TMEM156: variants seen among roughly 807,000 people sequenced by gnomAD.
The protein encoded by TMEM156 is transmembrane protein 156.
In TMEM156, 28 loss-of-function variants were observed where a neutral mutation model predicts 30.5. The ratio of observed to expected loss-of-function variants is 0.92; its 90% CI spans 0.68 to 1.26. The LOEUF is 1.26. Among genes scored for constraint, TMEM156 ranks in the 50% most tolerant of loss-of-function variants. The probability of loss-of-function intolerance (pLI) is 0.00; values close to 1 mark genes in which losing one functional copy is unlikely to be tolerated. For synonymous variants in TMEM156, 137 were observed against 119.9 expected (o/e 1.14, Z -0.93); for missense variants, 351 against 340.6 (o/e 1.03, Z -0.24).
intron 5 of TMEM156, among the ~76,000 whole-genome samples, chr4:38,978,949 G>C (rs1723037648): frequency 6.6e-6 from 1 of 152,130 alleles, no homozygotes; most frequent in Non-Finnish European, 1.5e-5. Flanking sequence ...ACCTGGACTG[G>C]CAAGGGAATG....
rs1722582576 is a variant in TMEM156, at chr4:38,971,224, A to G, written c.824-87T>C. 3 of 1,249,028 alleles carry G rather than the reference A, an allele frequency of 2.4e-6. No individual in the cohort carries two copies. The East Asian group carries it at 7.2e-5, about 30-fold the overall frequency. The allele number at this position is 1,249,028 out of a possible 1,614,324, so 77.4% of individuals were successfully genotyped here. On this transcript the variant is annotated intron_variant, in intron 5 of 6. Transcript: ENST00000381938. ...ATTCTAATGTAGTAAGAGTAGCAAG[A>G]GAAGCATGCTCTACCTCTAGAAAGG...
chr4:38,969,945 G>A (rs756183617), intron 6 of TMEM156, among the ~76,000 whole-genome samples: 10 of 152,194 alleles, frequency 6.6e-5, no homozygotes, highest in Non-Finnish European at 1.3e-4. Flanking sequence ...CTGAATGGAA[G>A]AGTAGTTCTA....
chr4:38,976,290 A>AG (rs1491091209), intron 5 of TMEM156, among the ~76,000 whole-genome samples: 16 of 19,572 alleles, frequency 8.2e-4, no homozygotes, highest in Non-Finnish European at 4.3e-4. Context: ...ACTCCGTCTC[A>AG]AAAAAAAAAA....
intron 3 of TMEM156, among the ~76,000 whole-genome samples, chr4:38,992,712 T>TG (rs1560366861): frequency 4.9e-5 from 2 of 41,086 alleles, no homozygotes; most frequent in Non-Finnish European, 1.1e-4. Context: ...TATATATATA[T>TG]TATATATATA....
At chr4:38,988,386 GCTAA>G (rs994984822) in intron 4 of TMEM156, among the ~76,000 whole-genome samples, 1 of 152,092 alleles carries the variant, frequency 6.6e-6, no homozygotes, top group African/African-American at 2.4e-5. Context: ...ACCATGCCTG[GCTAA>G]TTTTTGTATT....
intron 5 of TMEM156, among the ~76,000 whole-genome samples, chr4:38,975,616 C>T (rs1415605619): frequency 6.6e-6 from 1 of 151,834 alleles, no homozygotes; most frequent in Non-Finnish European, 1.5e-5. Context: ...CTTCTGATCT[C>T]GAGGCCTACC....
chr4:39,001,606 G>A (rs1184315379), intron 1 of TMEM156, among the ~76,000 whole-genome samples: 1 of 150,724 alleles, frequency 6.6e-6, no homozygotes, highest in South Asian at 2.1e-4. Flanking sequence ...CAAAGCTGGA[G>A]GCATCACACT....
At chr4:38,984,503 C>T (rs1425359868) in intron 5 of TMEM156, among the ~76,000 whole-genome samples, 2 of 151,944 alleles carry the variant, frequency 1.3e-5, no homozygotes, top group African/African-American at 2.4e-5. Context: ...CTTTGAACTA[C>T]ATTTTTTTTT....
chr4:39,019,299 T>C (rs115275963), intron 1 of TMEM156, among the ~76,000 whole-genome samples: 3,418 of 152,330 alleles, frequency 0.022, 86 homozygotes, highest in Non-Finnish European at 0.032. Flanking sequence ...TAGATCTCTA[T>C]TCCAGTTCAC....
intron 3 of TMEM156, among the ~76,000 whole-genome samples, chr4:38,990,978 C>T (rs1280972404): frequency 1.3e-5 from 2 of 150,244 alleles, no homozygotes; most frequent in South Asian, 2.1e-4. Context: ...GGTTTACAGG[C>T]GCATGACACC....
intron 1 of TMEM156, among the ~76,000 whole-genome samples, chr4:39,009,748 C>T (rs1342255520): frequency 6.6e-6 from 1 of 152,136 alleles, no homozygotes; most frequent in African/African-American, 2.4e-5. Context: ...GAACACACCT[C>T]AAAATAATAA....
chr4:39,011,506 T>C (rs1323220808), intron 1 of TMEM156, among the ~76,000 whole-genome samples: 1 of 152,204 alleles, frequency 6.6e-6, no homozygotes, highest in Non-Finnish European at 1.5e-5. Flanking sequence ...CCATCAGTGG[T>C]GGCTCATGCC....
intron 4 of TMEM156, among the ~76,000 whole-genome samples, 182 bp downstream of exon 4, chr4:38,988,669 A>G (rs1422361037): frequency 6.6e-6 from 1 of 152,152 alleles, no homozygotes; most frequent in Non-Finnish European, 1.5e-5. Context: ...CGAGTAGAAG[A>G]AAGATGAATG....
At chr4:38,986,807 C>CAAAAAAAAAAAAAAAAAAAAAAA (rs59087758) in intron 4 of TMEM156, among the ~76,000 whole-genome samples, 1 of 23,746 alleles carries the variant, frequency 4.2e-5, no homozygotes, top group Non-Finnish European at 8.2e-5. Flanking sequence ...GACTCCATCT[C>CAAAAAAAAAAAAAAAAAAAAAAA]AAAAAAAAAA....
chr4:38,987,145 G>C (rs1367514951), intron 4 of TMEM156, among the ~76,000 whole-genome samples: 5 of 152,004 alleles, frequency 3.3e-5, no homozygotes, highest in Non-Finnish European at 7.4e-5. Context: ...TTTCATATGG[G>C]AAAATGGGTC....
intron 5 of TMEM156, among the ~76,000 whole-genome samples, chr4:38,982,521 C>T (rs1377210484): frequency 1.3e-5 from 2 of 152,082 alleles, no homozygotes; most frequent in African/African-American, 4.8e-5. Flanking sequence ...GTCATATTTC[C>T]CAATCTCTCA....
intron 5 of TMEM156, among the ~76,000 whole-genome samples, chr4:38,983,915 C>G (rs561087568): frequency 6.6e-6 from 1 of 152,330 alleles, no homozygotes; most frequent in Admixed American, 6.5e-5. Context: ...TTACTCTATA[C>G]TTATTTCCCT....
At position 39,012,667 on chromosome 4, in the gene TMEM156, A is replaced by C. The variant is rs901247986; in HGVS notation, c.89-13758T>G. Among the ~76,000 whole-genome samples the C allele has an allele frequency of 3.3e-5, 5 of 152,130 alleles. No individual in the cohort carries two copies. The East Asian group carries it at 9.6e-4, about 29-fold the overall frequency. On this transcript the variant is annotated intron_variant, in intron 1 of 6. Transcript: ENST00000381938. ...GTAAAAATACAAAAATAGACCGGGC[A>C]TGGTGGCTCACGCCTGCAATCCCAG... is the stretch of plus-strand genomic sequence containing the variant.
At chr4:38,979,775 A>G (rs987417576) in intron 5 of TMEM156, among the ~76,000 whole-genome samples, 1 of 152,394 alleles carries the variant, frequency 6.6e-6, no homozygotes, top group East Asian at 1.9e-4. Context: ...GTTAGTCTTC[A>G]TAGATTACTC....
Sources: gnomAD v4.1 joint callset for allele counts (sites outside exome capture counted in the v4.1 genomes callset) on GRCh38, gnomAD v4.1.1 for gene constraint, MANE v1.5 for transcripts, NCBI Gene and HGNC (gene_info 2026-07-23, HGNC 2026-07-21) for gene names.